Variants in DNAJC11 observed in about 807,000 individuals in gnomAD.
DNAJC11 encodes dnaJ homolog subfamily C member 11.
In DNAJC11, 15 loss-of-function variants were observed where a neutral mutation model predicts 78.6. The ratio of observed to expected loss-of-function variants is 0.19; its 90% confidence interval spans 0.13 to 0.29. DNAJC11 has a LOEUF of 0.29. Among genes scored for constraint, DNAJC11 ranks in the 10% least tolerant of loss-of-function variants. The probability of loss-of-function intolerance (pLI) is 1.00; values close to 1 mark genes in which losing one functional copy is unlikely to be tolerated. For missense variants in DNAJC11, 547 were observed against 709.6 expected (o/e 0.77, Z 2.60); for synonymous variants, 292 against 272.1 (o/e 1.07, Z -0.72).
Position 6,693,365 on chromosome 1 carries a change from CTT to C in DNAJC11, c.72+8362_72+8363del, listed in dbSNP as rs1449432387. On this transcript the variant is annotated intron_variant, in intron 1 of 15. Transcript: ENST00000377577. ...TAAATTTATTTATGTACATGTATGT[CTT>C]TCACATTTTTATTTATTGTTATATT... is the stretch of plus-strand genomic sequence containing the variant. 2.0e-5 allele frequency among the ~76,000 whole-genome samples: 3 copies of C among 152,172 alleles called. No homozygotes were observed. In the East Asian group the frequency reaches 5.8e-4, roughly 29 times the overall value.
At chr1:6,689,955 C>T (rs1166443776) in intron 1 of DNAJC11, among the ~76,000 whole-genome samples, 2 of 152,106 alleles carry the variant, frequency 1.3e-5, no homozygotes, top group Non-Finnish European at 2.9e-5. Context: ...CAAAATAATT[C>T]CACTATTTCC....
intron 1 of DNAJC11, among the ~76,000 whole-genome samples, chr1:6,681,858 G>A (rs1642558809): frequency 1.3e-5 from 2 of 152,294 alleles, no homozygotes; most frequent in South Asian, 4.1e-4. Context: ...GAAGTGTTAT[G>A]TTTGATTCTA....
Position 6,653,041 on chromosome 1 carries a change from C to G in DNAJC11, c.508-90G>C. On this transcript the variant is annotated intron_variant, in intron 5 of 15. Coordinates refer to ENST00000377577, the MANE Select transcript of DNAJC11 (RefSeq NM_018198.4). The surrounding 1 kb of genome is among the most constrained non-coding windows in gnomAD (Gnocchi z 4.5). ...TAAAGAACGCACTGTGAGCCCAAGG[C>G]CAAAGGTGCAGACGATTCCTCTGTT... is the stretch of plus-strand genomic sequence containing the variant. 6.6e-7 allele frequency: 1 copy of G among 1,509,348 alleles called. No individual in the cohort carries two copies. Among genetic ancestry groups the G allele is most frequent in the South Asian group, 1.2e-5 (1 of 85,612 alleles). 93.5% of individuals were successfully genotyped at this position (1,509,348 alleles called of 1,614,324 possible).
chr1:6,657,236 T>C (rs958596309), intron 4 of DNAJC11, among the ~76,000 whole-genome samples: 1 of 152,174 alleles, frequency 6.6e-6, no homozygotes, highest in African/African-American at 2.4e-5. Flanking sequence ...GTCTCTAAAA[T>C]GCACTATCTG....
At chr1:6,691,960 T>G (rs1455452390) in intron 1 of DNAJC11, among the ~76,000 whole-genome samples, 8 of 152,218 alleles carry the variant, frequency 5.3e-5, no homozygotes, top group Non-Finnish European at 7.3e-5. Context: ...TAAACAAAGG[T>G]GTAAGTAAGT....
At chr1:6,688,088 C>T (rs1438689525) in intron 1 of DNAJC11, among the ~76,000 whole-genome samples, 8 of 152,088 alleles carry the variant, frequency 5.3e-5, no homozygotes, top group Non-Finnish European at 1.2e-4. Context: ...TAACCTTTTC[C>T]CACCACAATA....
rs1273771390 is a variant in DNAJC11 at position 6,636,380 on chromosome 1, A to G, written c.1525-134T>C. ...AGATGCAAACTTTGGGGCATGAAGAAAAAGAAACAAGAATTTGAAAAAGTT... is the reference window on the plus strand; with the variant it reads ...AGATGCAAACTTTGGGGCATGAAGAGAAAGAAACAAGAATTTGAAAAAGTT... On this transcript the variant is annotated intron_variant, in intron 14 of 15. Transcript: ENST00000377577. The G allele has an allele frequency of 2.2e-6, 3 of 1,334,486 alleles. No individual in the cohort carries two copies. The African/African-American group carries it at 4.4e-5, about 20-fold the overall frequency. 82.7% of individuals were successfully genotyped at this position (1,334,486 alleles called of 1,614,324 possible). A position where few individuals can be genotyped will look rare whatever the true frequency, so the allele number is the denominator to read the frequency against.
chr1:6,657,756 T>A (rs1217823190), intron 4 of DNAJC11, among the ~76,000 whole-genome samples: 2 of 152,228 alleles, frequency 1.3e-5, no homozygotes, highest in African/African-American at 4.8e-5. Context: ...GCCATTCTCC[T>A]GCCTCAGCCT....
rs535385069 is a variant in DNAJC11, at chr1:6,672,636, G to C, written c.277-4826C>G. Among the ~76,000 whole-genome samples, 3 of 152,262 alleles carry C rather than the reference G, an allele frequency of 2.0e-5. No homozygotes were observed. The South Asian group carries it at 6.2e-4, about 32-fold the overall frequency. On this transcript the variant is annotated intron_variant, in intron 3 of 15. Transcript: ENST00000377577. ...GCGGTGAAGACACTTAGCAGGGCAG[G>C]GCACTTCATTCTCAGCTCCCACAGG...
chr1:6,655,291 G>A (rs1391829779), intron 4 of DNAJC11, among the ~76,000 whole-genome samples: 1 of 152,090 alleles, frequency 6.6e-6, no homozygotes, highest in Non-Finnish European at 1.5e-5. Context: ...ATAGTGTTAT[G>A]GTAAAAAATT....
intron 4 of DNAJC11, among the ~76,000 whole-genome samples, chr1:6,655,249 C>T (rs964609040): frequency 1.3e-5 from 2 of 152,056 alleles, no homozygotes; most frequent in East Asian, 1.9e-4. Context: ...TTTGTTTTTG[C>T]GGTGATATTC....
intron 10 of DNAJC11, among the ~76,000 whole-genome samples, chr1:6,644,211 T>C (rs1413707439): frequency 2.6e-5 from 4 of 152,028 alleles, no homozygotes; most frequent in African/African-American, 4.8e-5. Context: ...CTCAGCTCAC[T>C]GCAACCTCCG....
chr1:6,634,550 G>A lies in DNAJC11; in HGVS notation c.*1125C>T. ...CTCAGCCACCACCTGTGCGGCGCTTGCTCCGAGGGGTCAGCAAGAGCAACT... is the reference window on the plus strand; with the variant it reads ...CTCAGCCACCACCTGTGCGGCGCTTACTCCGAGGGGTCAGCAAGAGCAACT... On this transcript the variant is annotated 3_prime_UTR_variant, in exon 16 of 16. Transcript: ENST00000377577. 7.3e-7 allele frequency: 1 copy of A among 1,364,786 alleles called. No homozygotes were observed. The highest frequency in any genetic ancestry group is 9.8e-7 in the Non-Finnish European group (1 of 1,021,440). 84.5% of individuals were successfully genotyped at this position (1,364,786 alleles called of 1,614,324 possible). A position where few individuals can be genotyped will look rare whatever the true frequency, so the allele number is the denominator to read the frequency against.
In DNAJC11 at chr1:6,667,744, C is replaced by T. The variant is rs1468298646; in HGVS notation, c.343G>A (p.Glu115Lys). 1.5e-6 allele frequency: 2 copies of T among 1,307,968 alleles called. No homozygotes were observed. Among genetic ancestry groups the T allele is most frequent in the Non-Finnish European group, 2.1e-6 (2 of 954,790 alleles). The allele number at this position is 1,307,968 out of a possible 1,614,324, so 81.0% of individuals were successfully genotyped here. A position where few individuals can be genotyped will look rare whatever the true frequency, so the allele number is the denominator to read the frequency against. ...EEFERLQRER[E>K]ERRLQQRTNP... is the part of the protein sequence containing the mutation. The stretch of plus-strand genomic sequence containing the variant: ...GTTCGCTGCTGCAATCTCCTCTCTT[C>T]TCTCTCTCTCTGCAGCCGCTCAAAC... The change falls in exon 4 of 16, where the codon GAA (glutamate) becomes AAA (lysine). Residue 115 changes from glutamate to lysine, a missense_variant. Physicochemically the swap from Glu to Lys is moderately conservative, Grantham distance 56. Transcript: ENST00000377577.
chr1:6,681,382 G>A (rs544280581), intron 1 of DNAJC11, among the ~76,000 whole-genome samples: 110 of 152,238 alleles, frequency 7.2e-4, no homozygotes, highest in Admixed American at 1.9e-3. Flanking sequence ...ATCATGCCAA[G>A]GCACTCTAAA....
At chr1:6,670,995 T>C (rs955205566) in intron 3 of DNAJC11, 1 of 152,158 alleles carries the variant, frequency 6.6e-6, no homozygotes, top group African/African-American at 2.4e-5. Flanking sequence ...ATCCAGAAAA[T>C]ATGCTTTAAA....
chr1:6,682,758 T>C (rs2147880108), intron 1 of DNAJC11, among the ~76,000 whole-genome samples: 1 of 152,296 alleles, frequency 6.6e-6, no homozygotes, highest in Non-Finnish European at 1.5e-5. Flanking sequence ...CGAAACCCCA[T>C]ATCTACCCAA....
rs754992780 is a variant in DNAJC11 at position 6,667,800 on chromosome 1, C to T, written c.287G>A (p.Arg96Lys). Reference protein sequence around the residue: ...LEMEGWEVVERRRTPAEIREE... With the variant: ...LEMEGWEVVEKRRTPAEIREE... ...TCGAATTTCAGCAGGGGTTCTCCTC[C>T]TTTCCACAACCTATGCACAGAATCA... Residue 96 changes from arginine (R) to lysine (K), a missense_variant, in exon 4 of 16, where the codon AGG becomes AAG. Arg to Lys is a conservative substitution (Grantham distance 26). Transcript: ENST00000377577. 1.2e-6 allele frequency: 2 copies of T among 1,613,780 alleles called. No individual in the cohort carries two copies. The highest frequency in any genetic ancestry group is 1.1e-5 in the South Asian group (1 of 91,084).
intron 1 of DNAJC11, among the ~76,000 whole-genome samples, chr1:6,689,926 T>C (rs961414766): frequency 1.3e-5 from 2 of 152,204 alleles, no homozygotes; most frequent in South Asian, 2.1e-4. Flanking sequence ...CAAATGCATT[T>C]ACACAGATTT....
Sources: gnomAD v4.1 joint callset for allele counts (sites outside exome capture counted in the v4.1 genomes callset) on GRCh38, gnomAD v4.1.1 for gene constraint, Gnocchi (gnomAD v3.1) non-coding constraint, MANE v1.5 for transcripts, NCBI Gene and HGNC (gene_info 2026-07-23, HGNC 2026-07-21) for gene names.